The following GREB1 variants were observed in gnomAD, a reference collection of about 807,000 sequenced individuals.
The protein encoded by GREB1 is protein GREB1.
In GREB1, 106 loss-of-function variants were observed where a neutral mutation model predicts 200.7. The ratio of observed to expected loss-of-function variants is 0.53; its 90% confidence interval spans 0.45 to 0.62. The LOEUF (loss-of-function observed/expected upper bound fraction) is 0.62. Among genes scored for constraint, GREB1 ranks in the 20% least tolerant of loss-of-function variants. GREB1 has a pLI of 0.00. For missense variants in GREB1, 2,243 were observed against 2,556.8 expected (o/e 0.88, Z 2.65); for synonymous variants, 1,132 against 1,092.4 (o/e 1.04, Z -0.72).
At chr2:11,599,314 C>T (rs1401733912) in intron 15 of GREB1, among the ~76,000 whole-genome samples, 40 of 150,290 alleles carry the variant, frequency 2.7e-4, no homozygotes, top group Admixed American at 2.7e-3. Flanking sequence ...CCGTGGGTCA[C>T]CACTGATGCC....
Position 11,560,284 on chromosome 2 carries a change from A to G in GREB1, c.158-2179A>G, listed in dbSNP as rs561384391. ...TTCCAGTCCAATCTCTTTCTACTAC[A>G]CATGATTTCATCATTAACCTAGGTT... On this transcript the variant is annotated intron_variant, in intron 2 of 32. Transcript: ENST00000381486. 3.3e-4 allele frequency among the ~76,000 whole-genome samples: 50 copies of G among 152,302 alleles called. No individual in the cohort carries two copies. In the South Asian group the frequency reaches 7.5e-3, roughly 23 times the overall value.
At position 11,620,963 on chromosome 2, in the gene GREB1, G is replaced by C; in HGVS notation, c.4103G>C (p.Arg1368Pro). 1.2e-6 allele frequency: 2 copies of C among 1,612,776 alleles called. No individual in the cohort carries two copies. The highest frequency in any genetic ancestry group is 1.7e-6 in the Non-Finnish European group (2 of 1,178,790). The change falls in exon 23 of 33, where the codon CGG (arginine) becomes CCG (proline). Residue 1368 changes from arginine to proline, a missense_variant. Physicochemically the swap from Arg to Pro is moderately radical, Grantham distance 103. Around this residue, in one of 3 missense-constraint regions of GREB1, gnomAD observed 587 missense variants for 553.1 expected, o/e 1.06. Coordinates refer to ENST00000381486, the MANE Select transcript of GREB1 (RefSeq NM_014668.4). Reference sequence around the variant, plus strand: ...AGTGTCCTGTCCAGGATGCTTGTTCGGCTCACAGAAGTGGATGTCTATGAC... The same window carrying C: ...AGTGTCCTGTCCAGGATGCTTGTTCCGCTCACAGAAGTGGATGTCTATGAC... ...FLSVLSRMLV[R>P]LTEVDVYDEE...
intron 1 of GREB1, among the ~76,000 whole-genome samples, chr2:11,527,618 C>T (rs1324560818): frequency 6.6e-6 from 1 of 152,206 alleles, no homozygotes; most frequent in Non-Finnish European, 1.5e-5. Context: ...AGGCCAGCCT[C>T]TCCAAATAGC....
intron 32 of GREB1, among the ~76,000 whole-genome samples, 166 bp downstream of exon 32, chr2:11,638,975 G>A (rs143401858): frequency 0.013 from 2,032 of 152,284 alleles, 42 homozygotes; most frequent in African/African-American, 0.046. Context: ...AGAGAGCTGG[G>A]ATTTGATCCC....
intron 9 of GREB1, 65 bp from the exon 10 acceptor site, chr2:11,588,681 C>A: frequency 1.4e-6 from 2 of 1,442,276 alleles, no homozygotes; most frequent in Non-Finnish European, 2.0e-6. Context: ...CCCAGAGAAC[C>A]CACATGTATG....
rs533849879 is a variant in GREB1 at position 11,620,016 on chromosome 2, C to T, written c.4045-889C>T. 2.4e-4 allele frequency among the ~76,000 whole-genome samples: 37 copies of T among 152,278 alleles called. No homozygotes were observed. In the Middle Eastern group the frequency reaches 0.034, roughly 140 times the overall value. On this transcript the variant is annotated intron_variant, in intron 22 of 32. Coordinates refer to ENST00000381486, the MANE Select transcript of GREB1 (RefSeq NM_014668.4). Reference sequence around the variant, plus strand: ...TTTTTCAGACGGAGTCTCGCTCTGTCGCCAGGCTTGAGTGCAGTGGCACGA... The same window carrying T: ...TTTTTCAGACGGAGTCTCGCTCTGTTGCCAGGCTTGAGTGCAGTGGCACGA...
intron 22 of GREB1, 57 bp from the exon 23 acceptor site, chr2:11,620,848 G>A (rs1357450600): frequency 4.2e-5 from 42 of 989,294 alleles, no homozygotes; most frequent in Non-Finnish European, 6.7e-5. Flanking sequence ...TTCAGCCGGT[G>A]CCTGGCACGC....
intron 1 of GREB1, among the ~76,000 whole-genome samples, chr2:11,521,015 G>A (rs1324215253): frequency 1.3e-5 from 2 of 152,210 alleles, no homozygotes; most frequent in Non-Finnish European, 2.9e-5. Flanking sequence ...CCTCTGCCGT[G>A]TGGGCTCCAT....
intron 7 of GREB1, 110 bp from the exon 8 acceptor site, chr2:11,585,051 T>G: frequency 1.9e-6 from 1 of 518,238 alleles, no homozygotes. Flanking sequence ...AATCTGTGAT[T>G]AGAAAAAAAA....
At chr2:11,523,325 C>A (rs942994794) in intron 1 of GREB1, among the ~76,000 whole-genome samples, 17 of 152,038 alleles carry the variant, frequency 1.1e-4, no homozygotes, top group African/African-American at 4.1e-4. Context: ...CAAAACCCCC[C>A]CCATGACATG....
At chr2:11,590,003 A>G (rs988733141) in intron 10 of GREB1, among the ~76,000 whole-genome samples, 2 of 152,194 alleles carry the variant, frequency 1.3e-5, no homozygotes, top group South Asian at 2.1e-4. Context: ...ACTGGCTTAC[A>G]GATGACTTAT....
Position 11,576,540 on chromosome 2 carries a change from G to A in GREB1, c.637+5G>A, listed in dbSNP as rs768831281. On this transcript the variant is annotated splice_donor_5th_base_variant and intron_variant, in intron 5 of 32. Coordinates refer to ENST00000381486, the MANE Select transcript of GREB1 (RefSeq NM_014668.4). ...TAATCTGTTGGAAAGGCTCAGGTGA[G>A]CAGGTTGGCTGTGGAGGAGGTATGG... is the stretch of plus-strand genomic sequence containing the variant. The A allele has an allele frequency of 6.2e-7, 1 of 1,610,402 alleles. No homozygotes were observed. The highest frequency in any genetic ancestry group is 1.7e-5 in the Admixed American group (1 of 59,540).
chr2:11,538,837 CTCCATCCCTTCCTTCCTT>C (rs1674480030), intron 1 of GREB1, among the ~76,000 whole-genome samples: 2 of 127,104 alleles, frequency 1.6e-5, no homozygotes, highest in African/African-American at 5.6e-5. Context: ...TCCTCCCTCC[CTCCATCCCTTCCTTCCTT>C]CCTCCCTCCG....
In GREB1 at chr2:11,590,880, GGA is replaced by G. The variant is rs1178638918; in HGVS notation, c.1346-1892_1346-1891del. 2.7e-4 allele frequency among the ~76,000 whole-genome samples: 41 copies of G among 152,342 alleles called. 1 individual carries two copies. In the East Asian group the frequency reaches 6.4e-3, roughly 24 times the overall value. On this transcript the variant is annotated intron_variant, in intron 10 of 32. Coordinates refer to ENST00000381486, the MANE Select transcript of GREB1 (RefSeq NM_014668.4). ...TCCCAAGGAGAGGGGCTGATCCCAA[GGA>G]GAGGGGCTGATCAACTGTGCCAGTG...
At chr2:11,519,447 TGG>T (rs1247039250) in intron 1 of GREB1, among the ~76,000 whole-genome samples, 5 of 126,868 alleles carry the variant, frequency 3.9e-5, no homozygotes, top group African/African-American at 1.5e-4. Flanking sequence ...TTACTTGTTT[TGG>T]TTTTTTTTTT....
chr2:11,632,784 G>A, intron 27 of GREB1, 105 bp from the exon 28 acceptor site: 1 of 886,350 alleles, frequency 1.1e-6, no homozygotes, highest in Non-Finnish European at 1.8e-6. Context: ...AGGAAGGTCG[G>A]GGCTGGCTTG....
chr2:11,602,820 T>TA (rs1437021003), intron 17 of GREB1, among the ~76,000 whole-genome samples: 3 of 152,158 alleles, frequency 2.0e-5, no homozygotes, highest in African/African-American at 7.2e-5. Flanking sequence ...CAATGGAGGG[T>TA]AGGAAAATGG....
chr2:11,561,915 C>T (rs1677087932), intron 2 of GREB1: 1 of 153,476 alleles, frequency 6.5e-6, no homozygotes, highest in Admixed American at 6.4e-5. Flanking sequence ...AACGTGTGGG[C>T]CATGCTGCTA....
At chr2:11,494,039 ATGTGGTAAGCCAGAG>A (rs1558481732) in intron 1 of GREB1, among the ~76,000 whole-genome samples, 3 of 152,228 alleles carry the variant, frequency 2.0e-5, no homozygotes, top group Non-Finnish European at 4.4e-5. Flanking sequence ...ACCACTCCTT[ATGTGGTAAGCCAGAG>A]TGTGGTACCC....
Sources: allele counts gnomAD v4.1 joint callset (sites outside exome capture counted in the v4.1 genomes callset), GRCh38; gene constraint gnomAD v4.1.1; regional missense constraint gnomAD v4.1.1; transcripts MANE v1.5; gene names NCBI Gene and HGNC (gene_info 2026-07-23, HGNC 2026-07-21).